The following ATP9B variants were observed in gnomAD, a reference collection of about 807,000 sequenced individuals.
The protein encoded by ATP9B is ATPase phospholipid transporting 9B, also known as probable phospholipid-transporting ATPase IIB.
In ATP9B, 110 loss-of-function variants were observed where a neutral mutation model predicts 146.1. The ratio of observed to expected loss-of-function variants is 0.75; its 90% CI spans 0.65 to 0.88. The LOEUF is 0.88. Among genes scored for constraint, ATP9B ranks in the 40% least tolerant of loss-of-function variants. The pLI is 0.00. For synonymous variants in ATP9B, 604 were observed against 569.7 expected, an observed-to-expected ratio of 1.06 and a Z score of -0.86; for missense variants, 1,499 against 1,496.4, an observed-to-expected ratio of 1.00 and a Z score of -0.03.
At position 79,194,556 on chromosome 18, in the gene ATP9B, T is replaced by C. The variant is rs182182196; in HGVS notation, c.954+1293T>C. Reference sequence around the variant, plus strand: ...TCAGTGGCTTGACCGGAGGAAGCCATTGAAGGATCTTTAGCTTAGAAGAGA... The same window carrying C: ...TCAGTGGCTTGACCGGAGGAAGCCACTGAAGGATCTTTAGCTTAGAAGAGA... On this transcript the variant is annotated intron_variant, in intron 9 of 29. Transcript: ENST00000426216. 10 of 152,342 alleles carry C rather than the reference T, an allele frequency of 6.6e-5. No individual in the cohort carries two copies. The East Asian group carries it at 9.6e-4, about 15-fold the overall frequency. The allele number at this position is 152,342 out of a possible 1,614,324, so 9.4% of individuals were successfully genotyped here. A position where few individuals can be genotyped will look rare whatever the true frequency, so the allele number is the denominator to read the frequency against.
At chr18:79,144,070 A>AT (rs1327617710) in intron 6 of ATP9B, 27 of 363,966 alleles carry the variant, frequency 7.4e-5, no homozygotes, top group Admixed American at 1.3e-4. Flanking sequence ...GCAAAGTCAT[A>AT]TTTTTTCTGA....
intron 26 of ATP9B, chr18:79,364,357 G>T (rs1334561001): frequency 6.6e-6 from 1 of 152,110 alleles, no homozygotes; most frequent in Non-Finnish European, 1.5e-5. Flanking sequence ...ACAGTAATCA[G>T]TTAGACAATG....
At chr18:79,096,033 T>C (rs1004326704) in intron 1 of ATP9B, among the ~76,000 whole-genome samples, 7 of 152,248 alleles carry the variant, frequency 4.6e-5, no homozygotes, top group African/African-American at 9.6e-5. Flanking sequence ...AGCTACATAC[T>C]GTCGAAAGTC....
At chr18:79,206,796 TAACG>T in intron 9 of ATP9B, 137 bp from the exon 10 acceptor site, 4 of 657,068 alleles carry the variant, frequency 6.1e-6, no homozygotes, top group South Asian at 2.2e-5. Context: ...CCCTTTTTTC[TAACG>T]TCTGTTTTGC....
Position 79,375,895 on chromosome 18 carries a change from C to T in ATP9B, c.3307+469C>T, listed in dbSNP as rs1296525571. On this transcript the variant is annotated intron_variant, in intron 29 of 29. Coordinates refer to ENST00000426216, the MANE Select transcript of ATP9B (RefSeq NM_198531.5). ...TCCGGCAACAGTCTAAAGGGATTTC[C>T]ACTATATGTAGATTCGAAGTATGTA... 3 of 985,248 alleles carry T rather than the reference C, an allele frequency of 3.0e-6. No homozygotes were observed. The African/African-American group carries it at 5.2e-5, about 17-fold the overall frequency. 61.0% of individuals were successfully genotyped at this position (985,248 alleles called of 1,614,324 possible). A position where few individuals can be genotyped will look rare whatever the true frequency, so the allele number is the denominator to read the frequency against.
intron 15 of ATP9B, among the ~76,000 whole-genome samples, chr18:79,317,953 G>A (rs1054594917): frequency 1.3e-5 from 2 of 152,228 alleles, no homozygotes; most frequent in African/African-American, 2.4e-5. Context: ...GGGATGTGTC[G>A]GAGGGACACA....
intron 11 of ATP9B, among the ~76,000 whole-genome samples, chr18:79,229,029 T>C (rs1363960321): frequency 6.6e-6 from 1 of 152,144 alleles, no homozygotes; most frequent in African/African-American, 2.4e-5. Context: ...AGACCCTGTC[T>C]CAATACAAGC....
intron 13 of ATP9B, among the ~76,000 whole-genome samples, chr18:79,281,706 A>C (rs1332190100): frequency 6.6e-6 from 1 of 152,098 alleles, no homozygotes; most frequent in Non-Finnish European, 1.5e-5. Context: ...TAGCAATCCT[A>C]AAACCATTAG....
At chr18:79,205,144 G>A (rs1829580819) in intron 9 of ATP9B, among the ~76,000 whole-genome samples, 2 of 152,152 alleles carry the variant, frequency 1.3e-5, no homozygotes, top group Non-Finnish European at 2.9e-5. Flanking sequence ...GCTATTTTGG[G>A]CATACAAGGC....
At position 79,309,745 on chromosome 18, in the gene ATP9B, T is replaced by C. The variant is rs2096642403; in HGVS notation, c.1773+2511T>C. On this transcript the variant is annotated intron_variant, in intron 15 of 29. Coordinates refer to ENST00000426216, the MANE Select transcript of ATP9B (RefSeq NM_198531.5). ...GGGGATGAAAATGTTTTGAAATAGA[T>C]TATCGTGTTGGTTACGCAACTCTGT... 7.2e-5 allele frequency among the ~76,000 whole-genome samples: 11 copies of C among 152,110 alleles called. No homozygotes were observed. The South Asian group carries it at 2.3e-3, about 31-fold the overall frequency.
At chr18:79,071,830 CAGA>C (rs1011452066) in intron 1 of ATP9B, among the ~76,000 whole-genome samples, 3 of 147,634 alleles carry the variant, frequency 2.0e-5, no homozygotes, top group Admixed American at 2.0e-4. Flanking sequence ...CTTTAGTTTT[CAGA>C]AGTTTAATTA....
At chr18:79,321,818 TCA>T (rs2146906749) in intron 15 of ATP9B, among the ~76,000 whole-genome samples, 1 of 152,252 alleles carries the variant, frequency 6.6e-6, no homozygotes, top group East Asian at 1.9e-4. Flanking sequence ...CAGATGTGAG[TCA>T]CCAAATATAG....
At chr18:79,318,839 A>G (rs2096697895) in intron 15 of ATP9B, among the ~76,000 whole-genome samples, 1 of 152,200 alleles carries the variant, frequency 6.6e-6, no homozygotes, top group African/African-American at 2.4e-5. Flanking sequence ...TGTATGGAAG[A>G]CACAGGGTCA....
chr18:79,148,157 G>A (rs1044866324), intron 6 of ATP9B, among the ~76,000 whole-genome samples: 3 of 152,104 alleles, frequency 2.0e-5, no homozygotes, highest in African/African-American at 7.2e-5. Context: ...CAATAAAGAA[G>A]CTGAATTAGT....
rs59894305 is a variant in ATP9B, at chr18:79,204,106, A to G, written c.955-2831A>G. Reference sequence around the variant, plus strand: ...GTTTTTCTGGATTGTTTATCTTAGCATTGAATAAATTGTATGCCTTTACTC... The same window carrying G: ...GTTTTTCTGGATTGTTTATCTTAGCGTTGAATAAATTGTATGCCTTTACTC... On this transcript the variant is annotated intron_variant, in intron 9 of 29. Coordinates refer to ENST00000426216, the MANE Select transcript of ATP9B (RefSeq NM_198531.5). Among the ~76,000 whole-genome samples the G allele has an allele frequency of 1.8e-3, 276 of 152,354 alleles. 1 individual carries two copies. Among genetic ancestry groups the G allele is most frequent in the African/African-American group, 6.1e-3 (255 of 41,584 alleles).
chr18:79,071,027 A>G (rs1484632406), intron 1 of ATP9B, among the ~76,000 whole-genome samples: 9 of 126,832 alleles, frequency 7.1e-5, no homozygotes, highest in Admixed American at 4.5e-4. Context: ...GTTTCTTCTG[A>G]TTCTCATTCT....
chr18:79,126,672 C>T (rs1182469669), intron 5 of ATP9B, among the ~76,000 whole-genome samples: 2 of 152,070 alleles, frequency 1.3e-5, no homozygotes, highest in South Asian at 2.1e-4. Flanking sequence ...TTGGTATATA[C>T]GTATTTTCTG....
chr18:79,285,739 T>G (rs2096431968), intron 13 of ATP9B, among the ~76,000 whole-genome samples: 1 of 152,248 alleles, frequency 6.6e-6, no homozygotes, highest in African/African-American at 2.4e-5. Flanking sequence ...TCTAGAGTTT[T>G]TATGGTTTTA....
At chr18:79,113,917 G>A (rs1413191525) in intron 4 of ATP9B, among the ~76,000 whole-genome samples, 3 of 152,156 alleles carry the variant, frequency 2.0e-5, no homozygotes, top group Non-Finnish European at 4.4e-5. Flanking sequence ...AGCTTGTAGA[G>A]ACAAGATGTA....
Sources: gnomAD v4.1 joint callset for allele counts (sites outside exome capture counted in the v4.1 genomes callset) on GRCh38, gnomAD v4.1.1 for gene constraint, MANE v1.5 for transcripts, NCBI Gene and HGNC (gene_info 2026-07-23, HGNC 2026-07-21) for gene names.